Variants in AVEN observed in about 807,000 individuals in gnomAD.
AVEN encodes the protein apoptosis and caspase activation inhibitor, also known as cell death regulator Aven.
A neutral mutation model predicts 38.1 loss-of-function variants in AVEN; 41 were observed. The observed-to-expected ratio is 1.08, with a 90% confidence interval of 0.84 to 1.40. The LOEUF (loss-of-function observed/expected upper bound fraction) is 1.40. Among genes scored for constraint, AVEN ranks in the 40% most tolerant of loss-of-function variants. AVEN has a pLI of 0.00. For missense variants in AVEN, 605 were observed against 438.8 expected (o/e 1.38, Z -3.38); for synonymous variants, 206 against 171.8 (o/e 1.20, Z -1.56).
intron 1 of AVEN, among the ~76,000 whole-genome samples, chr15:34,006,670 T>C (rs1407118233): frequency 6.6e-6 from 1 of 152,222 alleles, no homozygotes; most frequent in African/African-American, 2.4e-5. Context: ...TCCTTATGCA[T>C]ATGAATAACT....
In AVEN at chr15:34,039,106, CCCCA is replaced by C. The variant is rs1899335155; in HGVS notation, c.-64_-61del. On this transcript the variant is annotated 5_prime_UTR_variant, in exon 1 of 6. Transcript: ENST00000306730. ...CCGAGCTGCGGCGGAGACGCCCTGG[CCCCA>C]CCGGAAGCGGGCCGCACGGAGGAGC... is the stretch of plus-strand genomic sequence containing the variant. 9.4e-7 allele frequency: 1 copy of C among 1,061,772 alleles called. No homozygotes were observed. Among genetic ancestry groups the C allele is most frequent in the Non-Finnish European group, 1.1e-6 (1 of 879,948 alleles). 65.8% of individuals were successfully genotyped at this position (1,061,772 alleles called of 1,614,324 possible).
intron 3 of AVEN, among the ~76,000 whole-genome samples, chr15:33,871,950 G>C (rs2153034912): frequency 6.6e-6 from 1 of 152,330 alleles, no homozygotes; most frequent in African/African-American, 2.4e-5. Context: ...TAATAAATCA[G>C]CATTTTGTAC....
At chr15:33,978,696 A>G (rs1457482508) in intron 2 of AVEN, among the ~76,000 whole-genome samples, 6 of 152,022 alleles carry the variant, frequency 3.9e-5, no homozygotes. Flanking sequence ...AAATAAAAAT[A>G]AATAAAATTA....
At position 33,871,661 on chromosome 15, in the gene AVEN, A is replaced by C. The variant is rs1890956336; in HGVS notation, c.517-631T>G. 2.0e-5 allele frequency among the ~76,000 whole-genome samples: 3 copies of C among 152,140 alleles called. No individual in the cohort carries two copies. The South Asian group carries it at 6.2e-4, about 31-fold the overall frequency. ...GAAAAGCAAGCATTTAATGAAATCTAACCTGATCTCTTCTCTAAATTCAGA... is the reference window on the plus strand; with the variant it reads ...GAAAAGCAAGCATTTAATGAAATCTCACCTGATCTCTTCTCTAAATTCAGA... On this transcript the variant is annotated intron_variant, in intron 3 of 5. Coordinates refer to ENST00000306730, the MANE Select transcript of AVEN (RefSeq NM_020371.3).
At chr15:33,940,801 A>C (rs1261952167) in intron 2 of AVEN, among the ~76,000 whole-genome samples, 1 of 152,108 alleles carries the variant, frequency 6.6e-6, no homozygotes, top group Non-Finnish European at 1.5e-5. Context: ...TGGCCTCCCA[A>C]AGTGCTGGGA....
At chr15:33,874,854 G>C (rs902404638) in intron 3 of AVEN, among the ~76,000 whole-genome samples, 4 of 152,234 alleles carry the variant, frequency 2.6e-5, no homozygotes, top group Non-Finnish European at 5.9e-5. Context: ...TGGTTCAAAA[G>C]GAGATGAAAT....
chr15:33,945,493 C>A (rs1894471137), intron 2 of AVEN, among the ~76,000 whole-genome samples: 1 of 152,150 alleles, frequency 6.6e-6, no homozygotes, highest in Non-Finnish European at 1.5e-5. Context: ...TGCTTAAAAC[C>A]TTTAATGGTT....
chr15:34,027,563 C>T (rs1234573352), intron 1 of AVEN, among the ~76,000 whole-genome samples: 1 of 150,960 alleles, frequency 6.6e-6, no homozygotes, highest in Non-Finnish European at 1.5e-5. Flanking sequence ...AACAGCCTCA[C>T]AACTATGGTA....
rs1395743556 is a variant in AVEN at position 34,003,219 on chromosome 15, T to A, written c.268-10A>T. The A allele has an allele frequency of 1.2e-6, 2 of 1,612,280 alleles. No individual in the cohort carries two copies. Among genetic ancestry groups the A allele is most frequent in the Non-Finnish European group, 1.7e-6 (2 of 1,179,522 alleles). ...CGCTGTCATCTTCAACCTGCAATCATTAGAGACAAATCAATAAGTAAGCAG... is the reference window on the plus strand; with the variant it reads ...CGCTGTCATCTTCAACCTGCAATCAATAGAGACAAATCAATAAGTAAGCAG... On this transcript the variant is annotated splice_polypyrimidine_tract_variant and intron_variant, in intron 1 of 5. Transcript: ENST00000306730.
chr15:33,861,260 G>C, downstream of AVEN: 1 of 1,035,160 alleles, frequency 9.7e-7, no homozygotes, highest in Non-Finnish European at 1.4e-6. Flanking sequence ...GTCTCTGCTG[G>C]AAAAAGAGTA....
At chr15:34,036,905 T>C (rs1899155310) in intron 1 of AVEN, among the ~76,000 whole-genome samples, 1 of 151,744 alleles carries the variant, frequency 6.6e-6, no homozygotes. Context: ...AGGTCAGGAG[T>C]TCGAGACCAG....
intron 3 of AVEN, among the ~76,000 whole-genome samples, chr15:33,872,728 A>C (rs947307874): frequency 1.3e-5 from 2 of 152,202 alleles, no homozygotes; most frequent in Admixed American, 1.3e-4. Context: ...GGAATTTTAA[A>C]AACTTAGGTG....
intron 2 of AVEN, among the ~76,000 whole-genome samples, chr15:33,920,041 CCTA>C (rs984567403): frequency 6.6e-6 from 1 of 152,108 alleles, no homozygotes; most frequent in Non-Finnish European, 1.5e-5. Context: ...CTCACGTGAA[CCTA>C]CCCTCAATAG....
upstream of AVEN, among the ~76,000 whole-genome samples, chr15:34,043,927 T>G (rs939481923): frequency 2.6e-5 from 4 of 152,110 alleles, no homozygotes; most frequent in African/African-American, 9.7e-5. Flanking sequence ...TCTGTCCCAG[T>G]CCAAGGCCAA....
At chr15:34,002,388 G>A (rs888525701) in intron 2 of AVEN, among the ~76,000 whole-genome samples, 7 of 145,226 alleles carry the variant, frequency 4.8e-5, no homozygotes, top group South Asian at 2.4e-4. Context: ...AAACTCTTAC[G>A]CCACACCTCA....
chr15:33,949,455 T>C (rs1188957599), intron 2 of AVEN, among the ~76,000 whole-genome samples: 1 of 152,226 alleles, frequency 6.6e-6, no homozygotes, highest in African/African-American at 2.4e-5. Flanking sequence ...ATGGATATCC[T>C]AATTACCCTG....
chr15:34,040,186 C>T (rs1899408021), upstream of AVEN, among the ~76,000 whole-genome samples: 1 of 152,098 alleles, frequency 6.6e-6, no homozygotes, highest in Admixed American at 6.5e-5. Context: ...AAAAACCTTG[C>T]CCCTGCCCTC....
At chr15:33,930,588 A>T (rs1893804491) in intron 2 of AVEN, among the ~76,000 whole-genome samples, 1 of 152,224 alleles carries the variant, frequency 6.6e-6, no homozygotes, top group South Asian at 2.1e-4. Context: ...CTAAAATGCT[A>T]TGGGAATAGT....
chr15:33,854,324 C>T, downstream of AVEN: 1 of 1,358,154 alleles, frequency 7.4e-7, no homozygotes, highest in Non-Finnish European at 1.0e-6. Flanking sequence ...TACTTTTTCC[C>T]CCTTATTGAG....
Sources: allele counts gnomAD v4.1 joint callset (sites outside exome capture counted in the v4.1 genomes callset), GRCh38; gene constraint gnomAD v4.1.1; transcripts MANE v1.5; gene names NCBI Gene and HGNC (gene_info 2026-07-23, HGNC 2026-07-21).